NFIA: variants seen among roughly 807,000 people sequenced by gnomAD.
NFIA encodes the protein nuclear factor I A, also known as nuclear factor 1 A-type.
NFIA carries 8 observed loss-of-function variants against 62.8 expected under a neutral mutation model. The ratio of observed to expected loss-of-function variants is 0.13; its 90% CI spans 0.07 to 0.23. The LOEUF is 0.23. NFIA is among the 10% of genes least tolerant of loss of function. The probability of loss-of-function intolerance (pLI) is 1.00; values close to 1 mark genes in which losing one functional copy is unlikely to be tolerated. For synonymous variants in NFIA, 235 were observed against 238.1 expected (o/e 0.99, Z 0.12); for missense variants, 410 against 642.1 (o/e 0.64, Z 3.91).
At chr1:61,310,272 C>T (rs147848751) in intron 3 of NFIA, among the ~76,000 whole-genome samples, 73 of 152,258 alleles carry the variant, frequency 4.8e-4, no homozygotes, top group African/African-American at 1.7e-3. Flanking sequence ...AGGAAAAGAC[C>T]ACTGGAGATA....
chr1:61,110,519 G>C (rs1646678096), intron 2 of NFIA, among the ~76,000 whole-genome samples: 1 of 151,936 alleles, frequency 6.6e-6, no homozygotes, highest in African/African-American at 2.4e-5. Context: ...TTAAAATTCA[G>C]TTGTCTTAAT....
At chr1:61,191,805 A>G (rs1651644699) in intron 2 of NFIA, among the ~76,000 whole-genome samples, 1 of 151,606 alleles carries the variant, frequency 6.6e-6, no homozygotes, top group African/African-American at 2.4e-5. Flanking sequence ...TTATTAAAAA[A>G]CCATAAATTT....
At chr1:61,125,706 C>T (rs1178574956) in intron 2 of NFIA, among the ~76,000 whole-genome samples, 1 of 152,114 alleles carries the variant, frequency 6.6e-6, no homozygotes, top group African/African-American at 2.4e-5. Flanking sequence ...AAAACAAGAG[C>T]ATTCATTCTG....
In NFIA at chr1:61,426,542, C is replaced by A; in HGVS notation, c.1498C>A (p.Pro500Thr). ...ACGGGATCCAAGCTTTGTAAATATCCCTCAACAGACACAGGTGGGCCGCTC... is the reference window on the plus strand; with the variant it reads ...ACGGGATCCAAGCTTTGTAAATATCACTCAACAGACACAGGTGGGCCGCTC... Reference protein sequence around the residue: ...GPRDPSFVNIPQQTQSWYLG With the variant: ...GPRDPSFVNITQQTQSWYLG The change falls in exon 10 of 11, where the codon CCT (proline) becomes ACT (threonine). Residue 500 changes from proline to threonine, a missense_variant. Around this residue, in one of 3 missense-constraint regions of NFIA, gnomAD observed 298 missense variants for 438.1 expected, o/e 0.68. Coordinates refer to ENST00000403491, the MANE Select transcript of NFIA (RefSeq NM_001134673.4). 6.4e-7 allele frequency: 1 copy of A among 1,551,330 alleles called. No homozygotes were observed. The highest frequency in any genetic ancestry group is 8.7e-7 in the Non-Finnish European group (1 of 1,146,538).
intron 2 of NFIA, among the ~76,000 whole-genome samples, chr1:61,212,885 T>C (rs332819): frequency 0.69 from 104,210 of 152,106 alleles, 37,536 homozygotes; most frequent in African/African-American, 0.92. Context: ...GCTGCATTAG[T>C]TTTTTACTAA....
chr1:61,240,131 T>C (rs1051470675), intron 2 of NFIA, among the ~76,000 whole-genome samples: 2 of 152,156 alleles, frequency 1.3e-5, no homozygotes, highest in Admixed American at 1.3e-4. Flanking sequence ...ACTAATTGTT[T>C]CACTCTGTAT....
chr1:61,185,671 A>T (rs2100568006), intron 2 of NFIA, among the ~76,000 whole-genome samples: 1 of 136,984 alleles, frequency 7.3e-6, no homozygotes, highest in Non-Finnish European at 1.5e-5. Context: ...GTGACTCCTT[A>T]GATGCTCCAG....
chr1:61,318,271 C>G (rs183790056), intron 3 of NFIA, among the ~76,000 whole-genome samples: 1 of 152,094 alleles, frequency 6.6e-6, no homozygotes, highest in Admixed American at 6.5e-5. Context: ...TCAAAATTAA[C>G]TTCATTTTAA....
At position 61,101,953 on chromosome 1, in the gene NFIA, A is replaced by G. The variant is rs148954674; in HGVS notation, c.559+13273A>G. Among the ~76,000 whole-genome samples, 13 of 152,300 alleles carry G rather than the reference A, an allele frequency of 8.5e-5. No homozygotes were observed. In the East Asian group the frequency reaches 2.5e-3, roughly 29 times the overall value. ...AACAACAAGAAAAATCTGGTGGCCCAATATATATTGGATTTGTTGTTATTC... is the reference window on the plus strand; with the variant it reads ...AACAACAAGAAAAATCTGGTGGCCCGATATATATTGGATTTGTTGTTATTC... On this transcript the variant is annotated intron_variant, in intron 2 of 10. Transcript: ENST00000403491.
chr1:61,155,368 G>A (rs1366073083), intron 2 of NFIA, among the ~76,000 whole-genome samples: 3 of 152,168 alleles, frequency 2.0e-5, no homozygotes, highest in Admixed American at 2.0e-4. Context: ...AACAAATGAT[G>A]TTTGACTTTA....
chr1:61,082,095 G>C, upstream of NFIA: 2 of 1,497,168 alleles, frequency 1.3e-6, no homozygotes, highest in Non-Finnish European at 1.8e-6. Context: ...ACGAGGAAAA[G>C]TAGTTTTGTT....
chr1:61,164,444 T>G (rs1649427347), intron 2 of NFIA, among the ~76,000 whole-genome samples: 1 of 151,852 alleles, frequency 6.6e-6, no homozygotes, highest in African/African-American at 2.4e-5. Flanking sequence ...TTTTTGTTGT[T>G]ATGTGTTTTT....
chr1:61,261,102 C>T (rs1263170282), intron 2 of NFIA, among the ~76,000 whole-genome samples: 1 of 152,132 alleles, frequency 6.6e-6, no homozygotes, highest in Non-Finnish European at 1.5e-5. Context: ...ATCTGGAGCC[C>T]ATTTTATTTA....
In NFIA at chr1:61,214,102, C is replaced by A. The variant is rs552782570; in HGVS notation, c.560-63418C>A. On this transcript the variant is annotated intron_variant, in intron 2 of 10. Transcript: ENST00000403491. ...GTGGTTGAGCTAATTTCTGCTTACA[C>A]ATGTGTGGAGGGTGTCATTTTCTGA... Among the ~76,000 whole-genome samples, 98 of 152,186 alleles carry A rather than the reference C, an allele frequency of 6.4e-4. 1 individual carries two copies. Among genetic ancestry groups the A allele is most frequent in the Non-Finnish European group, 1.0e-3 (70 of 68,038 alleles).
intron 2 of NFIA, among the ~76,000 whole-genome samples, chr1:61,235,517 A>T (rs201915319): frequency 1.8e-5 from 2 of 110,970 alleles, no homozygotes; most frequent in Non-Finnish European, 3.8e-5. Flanking sequence ...AATAAAAAAT[A>T]AAAAAAAATG....
intron 6 of NFIA, among the ~76,000 whole-genome samples, chr1:61,364,647 C>A (rs1203082574): frequency 1.3e-5 from 2 of 152,118 alleles, no homozygotes; most frequent in Non-Finnish European, 2.9e-5. Flanking sequence ...GTGAATCAAA[C>A]CTTTTTTAAA....
At chr1:61,316,127 TGA>T (rs1285276054) in intron 3 of NFIA, among the ~76,000 whole-genome samples, 3 of 152,186 alleles carry the variant, frequency 2.0e-5, no homozygotes, top group African/African-American at 7.2e-5. Context: ...ACCACATGTC[TGA>T]GAGTCTCCTC....
intron 9 of NFIA, among the ~76,000 whole-genome samples, chr1:61,415,138 T>C (rs1286011403): frequency 3.3e-5 from 5 of 152,198 alleles, no homozygotes; most frequent in Non-Finnish European, 7.4e-5. Flanking sequence ...AAGAGTGGCA[T>C]TTTATATTAG....
intron 4 of NFIA, among the ~76,000 whole-genome samples, chr1:61,345,300 A>AG: frequency 6.6e-6 from 1 of 152,308 alleles, no homozygotes; most frequent in Middle Eastern, 3.4e-3. Context: ...TAAAGTTTAG[A>AG]GGGGGCAAAT....
Sources: gnomAD v4.1 joint callset for allele counts (sites outside exome capture counted in the v4.1 genomes callset) on GRCh38, gnomAD v4.1.1 for gene constraint, gnomAD v4.1.1 regional missense constraint, MANE v1.5 for transcripts, NCBI Gene and HGNC (gene_info 2026-07-23, HGNC 2026-07-21) for gene names.